Variants in RGSL1 observed in about 807,000 individuals in gnomAD.
RGSL1 encodes the protein regulator of G protein signaling protein-like.
Under a neutral mutation model 124.7 loss-of-function variants are expected in RGSL1, and 97 were observed. The observed-to-expected ratio is 0.78, with a 90% CI of 0.66 to 0.92. The LOEUF is 0.92. Ranked by LOEUF, RGSL1 falls within the 40% of genes least tolerant of loss-of-function variation. The probability of loss-of-function intolerance (pLI) is 0.00; values close to 1 mark genes in which losing one functional copy is unlikely to be tolerated. For missense variants in RGSL1, 1,233 were observed against 1,288.4 expected, an observed-to-expected ratio of 0.96 and a Z score of 0.66; for synonymous variants, 424 against 438.1, an observed-to-expected ratio of 0.97 and a Z score of 0.40.
Position 182,548,720 on chromosome 1 carries a change from G to A in RGSL1, c.2829G>A (p.Gln943=). 2 of 1,551,584 alleles carry A rather than the reference G, an allele frequency of 1.3e-6. No homozygotes were observed. Among genetic ancestry groups the A allele is most frequent in the Non-Finnish European group, 1.7e-6 (2 of 1,146,968 alleles). Residue 943 remains glutamine (Q), a synonymous_variant, in exon 17 of 22, where the codon CAG becomes CAA. Transcript: ENST00000294854. ...GGTAGGTGAATGTCCCTGAGTTCCA[G>A]AAGGATGCCATCCTTGCTGCCATCA... ...PKLRVNVPEF[Q]KDAILAAITE... is the part of the protein sequence containing the mutation.
chr1:182,457,678 T>G (rs1436487388), intron 2 of RGSL1, among the ~76,000 whole-genome samples: 2 of 152,194 alleles, frequency 1.3e-5, no homozygotes, highest in East Asian at 3.9e-4. Context: ...TGGGACACTT[T>G]GAAGACATTT....
At chr1:182,497,912 A>C (rs1656052547) in intron 9 of RGSL1, among the ~76,000 whole-genome samples, 1 of 151,988 alleles carries the variant, frequency 6.6e-6, no homozygotes, top group Non-Finnish European at 1.5e-5. Flanking sequence ...TTTTTGTAGA[A>C]ATGGGGTCTC....
At chr1:182,526,904 A>G (rs1658790284) in intron 10 of RGSL1, among the ~76,000 whole-genome samples, 1 of 152,216 alleles carries the variant, frequency 6.6e-6, no homozygotes, top group African/African-American at 2.4e-5. Context: ...AAATAGGTGT[A>G]TAAAGGAAGA....
chr1:182,463,822 G>A (rs1653050356), intron 4 of RGSL1, among the ~76,000 whole-genome samples: 2 of 152,116 alleles, frequency 1.3e-5, no homozygotes. Flanking sequence ...ACAGAAGATA[G>A]GTTAGGAAAT....
At chr1:182,507,510 G>A (rs569038961) in intron 9 of RGSL1, among the ~76,000 whole-genome samples, 5 of 151,974 alleles carry the variant, frequency 3.3e-5, no homozygotes, top group African/African-American at 7.3e-5. Flanking sequence ...CTTATTTCAC[G>A]TAACATAGTG....
chr1:182,478,104 A>G (rs191236174), intron 6 of RGSL1, among the ~76,000 whole-genome samples: 1 of 152,128 alleles, frequency 6.6e-6, no homozygotes, highest in African/African-American at 2.4e-5. Context: ...TTTTTGAGAG[A>G]CAGGGTCTCA....
At chr1:182,547,838 G>A (rs1459619324) in intron 15 of RGSL1, among the ~76,000 whole-genome samples, 1 of 152,002 alleles carries the variant, frequency 6.6e-6, no homozygotes, top group Non-Finnish European at 1.5e-5. Flanking sequence ...TCCAGCCTGG[G>A]ATACAGAGTG....
At chr1:182,496,456 T>C (rs1655920608) in intron 9 of RGSL1, among the ~76,000 whole-genome samples, 1 of 152,194 alleles carries the variant, frequency 6.6e-6, no homozygotes, top group African/African-American at 2.4e-5. Flanking sequence ...CATAGCTCAA[T>C]AGCACATTGA....
intron 2 of RGSL1, among the ~76,000 whole-genome samples, chr1:182,455,996 C>A (rs190009538): frequency 6.6e-6 from 1 of 152,114 alleles, no homozygotes; most frequent in East Asian, 1.9e-4. Context: ...GAGGTTGTTT[C>A]AATCATCTAG....
chr1:182,476,781 C>G (rs1012992491), intron 6 of RGSL1, among the ~76,000 whole-genome samples: 4 of 152,186 alleles, frequency 2.6e-5, no homozygotes, highest in African/African-American at 9.7e-5. Flanking sequence ...CTGGCTTCAT[C>G]TACTATTCCA....
chr1:182,491,651 T>C (rs963274245), intron 8 of RGSL1, among the ~76,000 whole-genome samples: 7 of 151,986 alleles, frequency 4.6e-5, no homozygotes, highest in African/African-American at 1.7e-4. Flanking sequence ...CTCTTAACAC[T>C]TTTGGTCAAG....
In RGSL1 at chr1:182,532,696, G is replaced by A. The variant is rs1325223813; in HGVS notation, c.2399G>A (p.Arg800Lys). ...TGGATGAGAATGATCAGCTTTATCAGGAGTTTTTGCAAGTACCGCAGATTT... is the reference window on the plus strand; with the variant it reads ...TGGATGAGAATGATCAGCTTTATCAAGAGTTTTTGCAAGTACCGCAGATTT... Reference protein sequence around the residue: ...KGWMRMISFIRSFCKYRRFML... With the variant: ...KGWMRMISFIKSFCKYRRFML... The change falls in exon 14 of 22, where the codon AGG (arginine) becomes AAG (lysine). Residue 800 changes from arginine (R) to lysine (K), a missense_variant. Transcript: ENST00000294854. 6.4e-7 allele frequency: 1 copy of A among 1,550,966 alleles called. No individual in the cohort carries two copies. Among genetic ancestry groups the A allele is most frequent in the Non-Finnish European group, 8.7e-7 (1 of 1,146,460 alleles).
rs1226698477 is a variant in RGSL1, at chr1:182,473,915, G to A, written c.804G>A (p.Met268Ile). 6.4e-7 allele frequency: 1 copy of A among 1,551,980 alleles called. No homozygotes were observed. Among genetic ancestry groups the A allele is most frequent in the Non-Finnish European group, 8.7e-7 (1 of 1,147,056 alleles). The stretch of plus-strand genomic sequence containing the variant: ...ATCCTGACTCTTGGTCTCTGGAAAT[G>A]GATCTCAAGCCAGATGCTATTGGTA... ...LVDPDSWSLE[M>I]DLKPDAIGMP... The change falls in exon 6 of 22, where the codon ATG (methionine) becomes ATA (isoleucine). Residue 268 changes from methionine (M) to isoleucine (I), a missense_variant. Transcript: ENST00000294854.
At chr1:182,451,156 A>AC (rs1306150407) in intron 1 of RGSL1, among the ~76,000 whole-genome samples, 1 of 152,004 alleles carries the variant, frequency 6.6e-6, no homozygotes, top group Admixed American at 6.6e-5. Context: ...AAAAAAAAAA[A>AC]AAAAAAGATT....
At chr1:182,506,047 C>G (rs906108316) in intron 9 of RGSL1, among the ~76,000 whole-genome samples, 1 of 152,040 alleles carries the variant, frequency 6.6e-6, no homozygotes, top group African/African-American at 2.4e-5. Context: ...ATTGAGACAC[C>G]CTTGCCTCAG....
intron 4 of RGSL1, chr1:182,471,379 C>T (rs906781543): frequency 4.4e-6 from 2 of 457,468 alleles, no homozygotes; most frequent in Non-Finnish European, 8.8e-6. Flanking sequence ...ACCTCACAGG[C>T]AGTGCAGGTG....
At position 182,473,689 on chromosome 1, in the gene RGSL1, A is replaced by C; in HGVS notation, c.578A>C (p.Asn193Thr). 4.5e-6 allele frequency: 7 copies of C among 1,551,578 alleles called. No individual in the cohort carries two copies. The highest frequency in any genetic ancestry group is 6.1e-6 in the Non-Finnish European group (7 of 1,146,970). ...LFKLQSYWLP[N>T]FYTHTKMTMA... ...AAACTCCAGAGCTATTGGCTTCCCA[A>C]CTTTTACACCCACACCAAGATGACC... The change falls in exon 6 of 22, where the codon AAC (asparagine) becomes ACC (threonine). Residue 193 changes from asparagine (N) to threonine (T), a missense_variant. Coordinates refer to ENST00000294854, the MANE Select transcript of RGSL1 (RefSeq NM_001137669.2).
chr1:182,478,638 AAGG>A (rs1176675214), intron 6 of RGSL1, among the ~76,000 whole-genome samples: 1 of 152,204 alleles, frequency 6.6e-6, no homozygotes, highest in African/African-American at 2.4e-5. Flanking sequence ...GAAGTCTCAG[AAGG>A]AGAAGCAAGA....
chr1:182,468,817 G>T (rs1653570642), intron 4 of RGSL1, among the ~76,000 whole-genome samples: 1 of 151,770 alleles, frequency 6.6e-6, no homozygotes, highest in African/African-American at 2.4e-5. Context: ...TGGCATAAAT[G>T]CAGACATATG....
Sources: gnomAD v4.1 joint callset for allele counts (sites outside exome capture counted in the v4.1 genomes callset) on GRCh38, gnomAD v4.1.1 for gene constraint, MANE v1.5 for transcripts, NCBI Gene and HGNC (gene_info 2026-07-23, HGNC 2026-07-21) for gene names.